The following PPP4R1 variants were observed in gnomAD, a reference collection of about 807,000 sequenced individuals.
PPP4R1 encodes serine/threonine-protein phosphatase 4 regulatory subunit 1.
Under a neutral mutation model 111.2 loss-of-function variants are expected in PPP4R1, and 42 were observed. The observed-to-expected ratio is 0.38, with a 90% CI of 0.29 to 0.49. The LOEUF (loss-of-function observed/expected upper bound fraction) is 0.49, where lower values mean the gene tolerates loss of function less well. Among genes scored for constraint, PPP4R1 ranks in the 20% least tolerant of loss-of-function variants. PPP4R1 has a pLI of 0.97. For missense variants in PPP4R1, 1,012 were observed against 1,161.6 expected, an observed-to-expected ratio of 0.87 and a Z score of 1.87; for synonymous variants, 409 against 405.5, an observed-to-expected ratio of 1.01 and a Z score of -0.10.
rs752806836 is a variant in PPP4R1, at chr18:9,570,391, G to T, written c.1339C>A (p.Leu447Ile). The T allele has an allele frequency of 1.7e-5, 27 of 1,613,762 alleles. No individual in the cohort carries two copies. The highest frequency in any genetic ancestry group is 2.3e-5 in the Non-Finnish European group (27 of 1,179,914). Reference sequence around the variant, plus strand: ...GAGTTATACAATTCCTGATCTAAGAGAGCTGAATCTTGTGAAGTGGTGCCA... The same window carrying T: ...GAGTTATACAATTCCTGATCTAAGATAGCTGAATCTTGTGAAGTGGTGCCA... Reference protein sequence around the residue: ...EVGTTSQDSALLDQELYNSFH... With the variant: ...EVGTTSQDSAILDQELYNSFH... The change falls in exon 11 of 20, where the codon CTC becomes ATC. Residue 447 changes from leucine to isoleucine, a missense_variant. Around this residue, in one of 2 missense-constraint regions of PPP4R1, gnomAD observed 707 missense variants for 742.1 expected, o/e 0.95. Coordinates refer to ENST00000400556, the MANE Select transcript of PPP4R1 (RefSeq NM_001042388.3).
rs148579483 is a variant in PPP4R1 at position 9,570,577 on chromosome 18, C to G, written c.1153G>C (p.Asp385His). 1,029 of 1,614,204 alleles carry G rather than the reference C, an allele frequency of 6.4e-4. No individual in the cohort carries two copies. Among genetic ancestry groups the G allele is most frequent in the Non-Finnish European group, 8.3e-4 (974 of 1,180,044 alleles). ...SSVILENTMEDHAAEASGKPL... is the reference protein window; with the variant it reads ...SSVILENTMEHHAAEASGKPL... ...TTCCCGGATGCCTCAGCAGCATGGTCTTCCATCGTGTTTTCCAGTATGACA... is the reference window on the plus strand; with the variant it reads ...TTCCCGGATGCCTCAGCAGCATGGTGTTCCATCGTGTTTTCCAGTATGACA... The change falls in exon 11 of 20, where the codon GAC (aspartate) becomes CAC (histidine). Residue 385 changes from aspartate to histidine, a missense_variant. Physicochemically the swap from Asp to His is moderately conservative, Grantham distance 81 (BLOSUM62 -1). Around this residue, in one of 2 missense-constraint regions of PPP4R1, gnomAD observed 707 missense variants for 742.1 expected, o/e 0.95. Coordinates refer to ENST00000400556, the MANE Select transcript of PPP4R1 (RefSeq NM_001042388.3).
intron 9 of PPP4R1, among the ~76,000 whole-genome samples, chr18:9,578,241 T>C (rs1171917188): frequency 6.6e-6 from 1 of 152,190 alleles, no homozygotes; most frequent in Non-Finnish European, 1.5e-5. Flanking sequence ...AAGTTTAGCA[T>C]TCCTTTTCCT....
At chr18:9,593,038 G>A (rs1394333519) in intron 4 of PPP4R1, among the ~76,000 whole-genome samples, 1 of 152,012 alleles carries the variant, frequency 6.6e-6, no homozygotes, top group African/African-American at 2.4e-5. Context: ...ATCAAAAGAT[G>A]AGCTTGTCTA....
At chr18:9,568,666 C>A (rs2066809745) in intron 11 of PPP4R1, among the ~76,000 whole-genome samples, 1 of 152,300 alleles carries the variant, frequency 6.6e-6, no homozygotes, top group South Asian at 2.1e-4. Flanking sequence ...CTAGCAGGTA[C>A]TATAATACAA....
chr18:9,606,973 G>A (rs982526557), intron 2 of PPP4R1, among the ~76,000 whole-genome samples: 2 of 152,064 alleles, frequency 1.3e-5, no homozygotes, highest in African/African-American at 4.8e-5. Flanking sequence ...AACTAACTCA[G>A]GTCCAAATTG....
upstream of PPP4R1, chr18:9,615,058 TC>T (rs889892139): frequency 4.6e-5 from 7 of 152,106 alleles, no homozygotes; most frequent in South Asian, 2.1e-4. Context: ...TCCGAGGTCG[TC>T]GGGGCCGGGG....
intron 15 of PPP4R1, among the ~76,000 whole-genome samples, chr18:9,555,001 T>G (rs1433665250): frequency 2.0e-5 from 3 of 152,108 alleles, no homozygotes; most frequent in African/African-American, 7.2e-5. Flanking sequence ...GAATGTTACT[T>G]AATAAAAACA....
At chr18:9,548,162 G>A (rs1182467592) in intron 19 of PPP4R1, among the ~76,000 whole-genome samples, 2 of 151,552 alleles carry the variant, frequency 1.3e-5, no homozygotes, top group African/African-American at 4.9e-5. Flanking sequence ...GTTTTTATAA[G>A]ACTAAATCTC....
At chr18:9,554,797 T>G (rs2066544649) in intron 15 of PPP4R1, among the ~76,000 whole-genome samples, 1 of 152,152 alleles carries the variant, frequency 6.6e-6, no homozygotes, top group African/African-American at 2.4e-5. Context: ...TTGATGCACT[T>G]AAAAATCAAA....
chr18:9,596,285 C>T (rs1022531807), intron 2 of PPP4R1, among the ~76,000 whole-genome samples: 1 of 152,174 alleles, frequency 6.6e-6, no homozygotes, highest in Non-Finnish European at 1.5e-5. Context: ...GGAAAGGATG[C>T]GATCCAGAGG....
Position 9,549,693 on chromosome 18 carries a change from GCAGTGAGGAA to G in PPP4R1, c.2547+349_2548-356del, listed in dbSNP as rs200796924. The G allele has an allele frequency of 3.7e-3, 1,736 of 466,190 alleles. 7 individuals are homozygous for G. The highest frequency in any genetic ancestry group is 6.0e-3 in the African/African-American group (308 of 51,640). 28.9% of individuals were successfully genotyped at this position (466,190 alleles called of 1,614,324 possible). On this transcript the variant is annotated intron_variant, in intron 18 of 19. Coordinates refer to ENST00000400556, the MANE Select transcript of PPP4R1 (RefSeq NM_001042388.3). The stretch of plus-strand genomic sequence containing the variant: ...ACATGTATGTATGCCTGTGTAATAT[GCAGTGAGGAA>G]CAGTGAGGAACATGCATGTATGTGC...
chr18:9,563,805 G>C, intron 11 of PPP4R1: 1 of 290,452 alleles, frequency 3.4e-6, no homozygotes, highest in South Asian at 1.3e-4. Context: ...TATGAAAAGA[G>C]AAATGCTATC....
chr18:9,549,815 C>G (rs1218326714), intron 18 of PPP4R1: 4 of 599,210 alleles, frequency 6.7e-6, no homozygotes, highest in South Asian at 4.1e-5. Flanking sequence ...CAAGCACATA[C>G]AGCAGGCACG....
At chr18:9,582,275 G>A (rs1268501157) in intron 9 of PPP4R1, among the ~76,000 whole-genome samples, 1 of 151,924 alleles carries the variant, frequency 6.6e-6, no homozygotes, top group Non-Finnish European at 1.5e-5. Context: ...CAACGAAGCT[G>A]ACAAACCTTT....
At chr18:9,616,907 A>T (rs1481131613), upstream of PPP4R1, among the ~76,000 whole-genome samples, 1 of 152,254 alleles carries the variant, frequency 6.6e-6, no homozygotes, top group Non-Finnish European at 1.5e-5. Flanking sequence ...GCTGAATTAC[A>T]CATTGCAAGA....
chr18:9,549,878 A>G (rs9965762), intron 18 of PPP4R1, 174 bp downstream of exon 18: 172,668 of 927,586 alleles, frequency 0.19, 18,742 homozygotes, highest in East Asian at 0.48. Flanking sequence ...TAGCTGGGAG[A>G]GAGGGGCCAC....
Position 9,600,732 on chromosome 18 carries a change from T to C in PPP4R1, c.53-5579A>G, listed in dbSNP as rs572267225. On this transcript the variant is annotated intron_variant, in intron 2 of 19. Coordinates refer to ENST00000400556, the MANE Select transcript of PPP4R1 (RefSeq NM_001042388.3). ...CATCTCTATAAAAGATACAAAAATATTAGCTGGGGGTGGTGGTGCACACCT... is the reference window on the plus strand; with the variant it reads ...CATCTCTATAAAAGATACAAAAATACTAGCTGGGGGTGGTGGTGCACACCT... Among the ~76,000 whole-genome samples, 8 of 152,016 alleles carry C rather than the reference T, an allele frequency of 5.3e-5. No homozygotes were observed. In the East Asian group the frequency reaches 1.2e-3, roughly 22 times the overall value.
In PPP4R1 at chr18:9,614,078, C is replaced by T; in HGVS notation, c.52+148G>A. On this transcript the variant is annotated intron_variant, in intron 2 of 19. Transcript: ENST00000400556. This position sits in a 1 kb window ranked among gnomAD's most constrained non-coding sequence, Gnocchi z 4.1. ...GTTTCCTCACGGACGCGAGATTTTCCCCCCCGATCGCCACCCCAGCCCGCC... is the reference window on the plus strand; with the variant it reads ...GTTTCCTCACGGACGCGAGATTTTCTCCCCCGATCGCCACCCCAGCCCGCC... 1.7e-6 allele frequency: 1 copy of T among 596,206 alleles called. No individual in the cohort carries two copies. The highest frequency in any genetic ancestry group is 2.3e-6 in the Non-Finnish European group (1 of 429,064). 36.9% of individuals were successfully genotyped at this position (596,206 alleles called of 1,614,324 possible).
chr18:9,556,939 G>C (rs1421186196), intron 15 of PPP4R1: 4 of 249,156 alleles, frequency 1.6e-5, no homozygotes, highest in African/African-American at 2.3e-5. Context: ...CATGTACTGA[G>C]GGATGACTGC....
Sources: allele counts gnomAD v4.1 joint callset (sites outside exome capture counted in the v4.1 genomes callset), GRCh38; gene constraint gnomAD v4.1.1; regional missense constraint gnomAD v4.1.1; non-coding constraint Gnocchi (gnomAD v3.1); transcripts MANE v1.5; gene names NCBI Gene and HGNC (gene_info 2026-07-23, HGNC 2026-07-21).